The following CCDC171 variants were observed in gnomAD, a reference collection of about 807,000 sequenced individuals.
CCDC171 encodes the protein coiled-coil domain-containing protein 171.
Under a neutral mutation model 168.2 loss-of-function variants are expected in CCDC171, and 177 were observed. The ratio of observed to expected loss-of-function variants is 1.05; its 90% CI spans 0.93 to 1.19. CCDC171 has a LOEUF of 1.19. Among genes scored for constraint, CCDC171 ranks in the 50% most tolerant of loss-of-function variants. The pLI is 0.00. For synonymous variants in CCDC171, 687 were observed against 540.8 expected, an observed-to-expected ratio of 1.27 and a Z score of -3.75; for missense variants, 1,991 against 1,539.0, an observed-to-expected ratio of 1.29 and a Z score of -4.91.
At chr9:15,801,819 T>A (rs980298145) in intron 21 of CCDC171, among the ~76,000 whole-genome samples, 5 of 152,126 alleles carry the variant, frequency 3.3e-5, no homozygotes, top group African/African-American at 4.8e-5. Flanking sequence ...TAGGCTTTTT[T>A]AAAATCATGA....
chr9:16,039,885 T>TGGAGG (rs1833545105), upstream of CCDC171, among the ~76,000 whole-genome samples: 2 of 151,564 alleles, frequency 1.3e-5, no homozygotes, highest in South Asian at 2.1e-4. Flanking sequence ...GGAGGTGGAG[T>TGGAGG]TGTGTTCATT....
chr9:15,602,608 A>G (rs1425016627), intron 6 of CCDC171, among the ~76,000 whole-genome samples: 17 of 31,856 alleles, frequency 5.3e-4, no homozygotes, highest in African/African-American at 1.8e-3. Context: ...AAGTTACCTC[A>G]TTTTAAGATA....
At chr9:15,775,965 T>C (rs888290867) in intron 18 of CCDC171, among the ~76,000 whole-genome samples, 7 of 152,142 alleles carry the variant, frequency 4.6e-5, no homozygotes, top group African/African-American at 1.7e-4. Flanking sequence ...AATACATATA[T>C]ATATTAGGTA....
chr9:15,784,604 G>C lies in CCDC171; in HGVS notation c.3177G>C (p.Gln1059His). 3.7e-6 allele frequency: 6 copies of C among 1,613,140 alleles called. No homozygotes were observed. Among genetic ancestry groups the C allele is most frequent in the Non-Finnish European group, 5.1e-6 (6 of 1,179,362 alleles). The change falls in exon 21 of 26, where the codon CAG (glutamine) becomes CAC (histidine). Residue 1059 changes from glutamine (Q) to histidine (H), a missense_variant. Physicochemically the swap from Gln to His is conservative, Grantham distance 24. Coordinates refer to ENST00000380701, the MANE Select transcript of CCDC171 (RefSeq NM_173550.4). ...EEQAQMLLNE[Q>H]AQQLQELNYK... ...AGGCACAAATGCTATTGAATGAACA[G>C]GCACAACAACTACAGGAATTGAATT...
chr9:15,592,296 A>G (rs1181528461), intron 5 of CCDC171, among the ~76,000 whole-genome samples: 3 of 151,936 alleles, frequency 2.0e-5, no homozygotes, highest in Non-Finnish European at 4.4e-5. Flanking sequence ...GCCTATGAAT[A>G]GCCACTGTAC....
intron 9 of CCDC171, among the ~76,000 whole-genome samples, chr9:15,667,897 A>G (rs2048845461): frequency 6.6e-6 from 1 of 152,176 alleles, no homozygotes; most frequent in Non-Finnish European, 1.5e-5. Context: ...TGTGAATGTT[A>G]TTCTAAGGAC....
chr9:16,002,133 T>A (rs1832565315), intron 3 of CCDC171, among the ~76,000 whole-genome samples: 1 of 82,018 alleles, frequency 1.2e-5, no homozygotes, highest in Middle Eastern at 4.7e-3. Context: ...CAGCCTACTA[T>A]CATTTTTTTT....
At chr9:15,813,226 A>C (rs149708540) in intron 21 of CCDC171, among the ~76,000 whole-genome samples, 121 of 152,300 alleles carry the variant, frequency 7.9e-4, no homozygotes, top group African/African-American at 2.7e-3. Flanking sequence ...GGTTATGGAA[A>C]TTTCCCATGT....
At chr9:15,689,039 T>C (rs1295773664) in intron 10 of CCDC171, among the ~76,000 whole-genome samples, 1 of 152,202 alleles carries the variant, frequency 6.6e-6, no homozygotes, top group Non-Finnish European at 1.5e-5. Context: ...AATATCCATT[T>C]AGGAAAGCAG....
intron 25 of CCDC171, among the ~76,000 whole-genome samples, chr9:15,958,105 C>T (rs1213401732): frequency 6.6e-6 from 1 of 151,094 alleles, no homozygotes; most frequent in African/African-American, 2.5e-5. Flanking sequence ...AGTCCATTAA[C>T]TCACTCATCC....
intron 21 of CCDC171, among the ~76,000 whole-genome samples, chr9:15,831,956 G>A (rs146831160): frequency 1.3e-5 from 2 of 151,816 alleles, no homozygotes; most frequent in African/African-American, 2.4e-5. Context: ...TGAGTATTTT[G>A]GTTTTGATTT....
intron 6 of CCDC171, among the ~76,000 whole-genome samples, chr9:15,600,256 T>A (rs138747234): frequency 0.026 from 3,973 of 152,252 alleles, 165 homozygotes; most frequent in African/African-American, 0.091. Flanking sequence ...TTTTTCCCCA[T>A]CTTTGTGGTT....
At chr9:15,838,281 T>C (rs2060533694) in intron 21 of CCDC171, among the ~76,000 whole-genome samples, 1 of 152,196 alleles carries the variant, frequency 6.6e-6, no homozygotes, top group Non-Finnish European at 1.5e-5. Context: ...ACATAGTATA[T>C]CATTGTATCT....
intron 23 of CCDC171, among the ~76,000 whole-genome samples, chr9:15,863,817 A>C (rs576382147): frequency 1.3e-5 from 2 of 152,154 alleles, no homozygotes; most frequent in African/African-American, 4.8e-5. Flanking sequence ...TGAAAAGTAG[A>C]TATTTTGAAA....
chr9:15,652,487 C>A (rs80195573), intron 7 of CCDC171, among the ~76,000 whole-genome samples: 20 of 151,596 alleles, frequency 1.3e-4, no homozygotes, highest in African/African-American at 4.8e-4. Context: ...GCTCTGTCAC[C>A]TGGCTGAATC....
chr9:15,657,067 T>C, intron 7 of CCDC171, 60 bp from the exon 8 acceptor site: 1 of 925,292 alleles, frequency 1.1e-6, no homozygotes, highest in Non-Finnish European at 1.7e-6. Flanking sequence ...TGGACTGTAG[T>C]GATCCATATC....
intron 16 of CCDC171, among the ~76,000 whole-genome samples, chr9:15,743,885 T>C (rs1345534896): frequency 6.6e-6 from 1 of 152,256 alleles, no homozygotes; most frequent in East Asian, 1.9e-4. Flanking sequence ...ATTGGCAGTG[T>C]CATTTCTGTT....
intron 10 of CCDC171, among the ~76,000 whole-genome samples, chr9:15,683,273 A>C (rs1197945513): frequency 6.6e-6 from 1 of 152,002 alleles, no homozygotes; most frequent in Non-Finnish European, 1.5e-5. Flanking sequence ...TGATTATATA[A>C]TAGTAATGAT....
At chr9:15,939,425 A>G (rs1358129942) in intron 25 of CCDC171, among the ~76,000 whole-genome samples, 1 of 151,928 alleles carries the variant, frequency 6.6e-6, no homozygotes, top group Non-Finnish European at 1.5e-5. Flanking sequence ...TTTTATAATC[A>G]CATAGTTTGT....
Sources: gnomAD v4.1 joint callset for allele counts (sites outside exome capture counted in the v4.1 genomes callset) on GRCh38, gnomAD v4.1.1 for gene constraint, MANE v1.5 for transcripts, NCBI Gene and HGNC (gene_info 2026-07-23, HGNC 2026-07-21) for gene names.